RPH3A: variants seen among roughly 807,000 people sequenced by gnomAD.
RPH3A encodes the protein rabphilin 3A.
In RPH3A, 48 loss-of-function variants were observed where a neutral mutation model predicts 102.2. The ratio of observed to expected loss-of-function variants is 0.47; its 90% CI spans 0.37 to 0.60. The LOEUF (loss-of-function observed/expected upper bound fraction) is 0.60, where lower values mean the gene tolerates loss of function less well. Ranked by LOEUF, RPH3A falls within the 20% of genes least tolerant of loss-of-function variation. The pLI, the probability that RPH3A is intolerant of heterozygous loss-of-function variation, is 0.00. For synonymous variants in RPH3A, 310 were observed against 324.3 expected (o/e 0.96, Z 0.47); for missense variants, 781 against 910.1 (o/e 0.86, Z 1.83).
chr12:112,708,671 T>A (rs2040441090), intron 1 of RPH3A, among the ~76,000 whole-genome samples: 2 of 152,082 alleles, frequency 1.3e-5, no homozygotes, highest in African/African-American at 4.8e-5. Context: ...GGCAGCTTGG[T>A]TTGTGTCTGA....
chr12:112,894,504 G>A, intron 19 of RPH3A, 74 bp from the exon 20 acceptor site: 1 of 1,283,086 alleles, frequency 7.8e-7, no homozygotes, highest in Non-Finnish European at 1.1e-6. Context: ...TGATAAAGAA[G>A]GGGCCTTTGG....
intron 3 of RPH3A, among the ~76,000 whole-genome samples, chr12:112,834,109 C>G (rs1290824661): frequency 3.3e-5 from 5 of 152,108 alleles, no homozygotes; most frequent in Non-Finnish European, 7.3e-5. Flanking sequence ...TCTTTGTTAC[C>G]CTTTATAGTT....
chr12:112,820,318 T>C (rs1443208649), intron 2 of RPH3A, among the ~76,000 whole-genome samples: 2 of 152,234 alleles, frequency 1.3e-5, no homozygotes, highest in African/African-American at 4.8e-5. Context: ...ACTGAGCACA[T>C]ACTATGTTCC....
At chr12:112,750,909 A>G (rs1434881082) in intron 1 of RPH3A, among the ~76,000 whole-genome samples, 1 of 152,062 alleles carries the variant, frequency 6.6e-6, no homozygotes, top group Non-Finnish European at 1.5e-5. Context: ...CTCCCCTTGT[A>G]TGGACCTGGG....
chr12:112,774,063 C>CAAAAAAAAAAA lies in RPH3A; in HGVS notation c.-139-18076_-139-18066dup, dbSNP rs11375355. On this transcript the variant is annotated intron_variant, in intron 1 of 21. Transcript: ENST00000543106. ...TCACGCCACTGCACTCCAGCCTGGGCAAAAAAAAAAAAAAGAAAAAGAGAA... is the reference window on the plus strand; with the variant it reads ...TCACGCCACTGCACTCCAGCCTGGGCAAAAAAAAAAAAAAAAAAAAAAAAAGAAAAAGAGAA... 3.6e-4 allele frequency among the ~76,000 whole-genome samples: 39 copies of CAAAAAAAAAAA among 108,386 alleles called. 2 individuals are homozygous for CAAAAAAAAAAA. Among genetic ancestry groups the CAAAAAAAAAAA allele is most frequent in the African/African-American group, 8.7e-4 (22 of 25,322 alleles). The allele number at this position is 108,386 out of a possible 152,430, so 71.1% of individuals were successfully genotyped here.
chr12:112,806,739 C>T (rs2041472618), intron 2 of RPH3A, among the ~76,000 whole-genome samples: 1 of 152,004 alleles, frequency 6.6e-6, no homozygotes, highest in African/African-American at 2.4e-5. Flanking sequence ...ATGTGATATG[C>T]ACTGTGCTCA....
chr12:112,679,096 GAC>G (rs1243372273), intron 1 of RPH3A, among the ~76,000 whole-genome samples: 4 of 152,076 alleles, frequency 2.6e-5, no homozygotes, highest in African/African-American at 9.7e-5. Flanking sequence ...TCTCCTGGAA[GAC>G]AGAGTTTGTG....
In RPH3A at chr12:112,621,887, T is replaced by C. The variant is rs1310850367; in HGVS notation, c.-140+46568T>C. The stretch of plus-strand genomic sequence containing the variant: ...AGAACGGGCAGACTGCCTCCTCAAG[T>C]GGGTCCCTGACCCCTGACCCCTGAG... On this transcript the variant is annotated intron_variant, in intron 1 of 21. Coordinates refer to the RPH3A transcript ENST00000543106. 4.0e-5 allele frequency among the ~76,000 whole-genome samples: 6 copies of C among 151,130 alleles called. No individual in the cohort carries two copies. The South Asian group carries it at 6.3e-4, about 16-fold the overall frequency.
intron 1 of RPH3A, among the ~76,000 whole-genome samples, chr12:112,673,671 CT>C (rs1566252749): frequency 6.6e-6 from 1 of 152,146 alleles, no homozygotes; most frequent in East Asian, 1.9e-4. Context: ...AGCATTTATC[CT>C]TTGAGTTACA....
In RPH3A at chr12:112,868,427, A is replaced by G. The variant is rs201916806; in HGVS notation, c.445-3A>G. On this transcript the variant is annotated splice_region_variant and splice_polypyrimidine_tract_variant and intron_variant, in intron 7 of 21. Coordinates refer to ENST00000389385, the MANE Select transcript of RPH3A (RefSeq NM_001143854.2). ...TCTTCAATCCCTGTCTCTCCTCCCC[A>G]AGGTGTGGAAGCGTTCTGGAGCGTG... is the stretch of plus-strand genomic sequence containing the variant. 123 of 1,613,158 alleles carry G rather than the reference A, an allele frequency of 7.6e-5. No individual in the cohort carries two copies. The African/African-American group carries it at 1.6e-3, about 20-fold the overall frequency.
chr12:112,794,869 A>G (rs959753072), intron 2 of RPH3A, among the ~76,000 whole-genome samples: 12 of 152,210 alleles, frequency 7.9e-5, no homozygotes, highest in African/African-American at 2.7e-4. Flanking sequence ...AGCCTGAGGT[A>G]CAGAGGAAGG....
chr12:112,857,857 TCC>T (rs201478080), intron 5 of RPH3A, among the ~76,000 whole-genome samples: 2,488 of 152,246 alleles, frequency 0.016, 29 homozygotes, highest in Non-Finnish European at 0.025. Context: ...CTTGCTCAGC[TCC>T]ATGTGTACAG....
chr12:112,655,474 T>TGA (rs2135999783), intron 1 of RPH3A, among the ~76,000 whole-genome samples: 2 of 152,012 alleles, frequency 1.3e-5, no homozygotes, highest in South Asian at 4.2e-4. Flanking sequence ...ATCCTGGTGC[T>TGA]GAGAGGGACC....
At chr12:112,732,948 A>G (rs2040644449) in intron 1 of RPH3A, among the ~76,000 whole-genome samples, 1 of 152,202 alleles carries the variant, frequency 6.6e-6, no homozygotes, top group African/African-American at 2.4e-5. Flanking sequence ...CTCTTCTGTA[A>G]GATGCAGACC....
chr12:112,837,711 CATT>C (rs2042076124), intron 4 of RPH3A: 2 of 455,472 alleles, frequency 4.4e-6, no homozygotes, highest in South Asian at 3.1e-5. Context: ...GATGCTGAGT[CATT>C]GTCAGATGAC....
At chr12:112,890,138 A>G (rs1460732695) in intron 18 of RPH3A, 58 bp downstream of exon 18, 2 of 1,462,596 alleles carry the variant, frequency 1.4e-6, no homozygotes, top group Non-Finnish European at 1.9e-6. Context: ...CTAGGCTAGC[A>G]TCTTCCTCTT....
chr12:112,752,594 C>CT (rs35742758), intron 1 of RPH3A, among the ~76,000 whole-genome samples: 63 of 124,918 alleles, frequency 5.0e-4, no homozygotes, highest in Middle Eastern at 4.1e-3. Context: ...GCAGGCAAGT[C>CT]TTTTTTTTTT....
At chr12:112,743,025 G>T (rs531786661) in intron 1 of RPH3A, among the ~76,000 whole-genome samples, 2 of 152,064 alleles carry the variant, frequency 1.3e-5, no homozygotes, top group African/African-American at 4.8e-5. Flanking sequence ...CTGCCATCCC[G>T]TGTCCTACTT....
In RPH3A at chr12:112,868,609, G is replaced by A. The variant is rs773680648; in HGVS notation, c.610+14G>A. 8.1e-6 allele frequency: 13 copies of A among 1,611,684 alleles called. No individual in the cohort carries two copies. Among genetic ancestry groups the A allele is most frequent in the Non-Finnish European group, 1.1e-5 (13 of 1,178,802 alleles). Reference sequence around the variant, plus strand: ...CTCCAGCTCGAGGTAGGACAAAACAGGTGCTTCTTTCAGGACCAAGGACAG... The same window carrying A: ...CTCCAGCTCGAGGTAGGACAAAACAAGTGCTTCTTTCAGGACCAAGGACAG... On this transcript the variant is annotated intron_variant, in intron 8 of 21. Transcript: ENST00000389385.
Sources: gnomAD v4.1 joint callset for allele counts (sites outside exome capture counted in the v4.1 genomes callset) on GRCh38, gnomAD v4.1.1 for gene constraint, MANE v1.5 for transcripts, NCBI Gene and HGNC (gene_info 2026-07-23, HGNC 2026-07-21) for gene names.